PTPN11: variants seen among roughly 807,000 people sequenced by gnomAD.
PTPN11 encodes the protein protein tyrosine phosphatase non-receptor type 11, also known as tyrosine-protein phosphatase non-receptor type 11.
In PTPN11, 6 loss-of-function variants were observed where a neutral mutation model predicts 78.8. The ratio of observed to expected loss-of-function variants is 0.08; its 90% confidence interval spans 0.04 to 0.15. PTPN11 has a LOEUF of 0.15. Among genes scored for constraint, PTPN11 ranks in the 10% least tolerant of loss-of-function variants. PTPN11 has a pLI of 1.00. For missense variants in PTPN11, 386 were observed against 744.8 expected, an observed-to-expected ratio of 0.52 and a Z score of 5.61; for synonymous variants, 221 against 263.5, an observed-to-expected ratio of 0.84 and a Z score of 1.56.
Position 112,504,485 on chromosome 12 carries a change from G to T in PTPN11, c.1713-210G>T, listed in dbSNP as rs2038911505. On this transcript the variant is annotated intron_variant, in intron 14 of 15. Coordinates refer to ENST00000351677, the MANE Select transcript of PTPN11 (RefSeq NM_002834.5). The surrounding 1 kb of genome is among the most constrained non-coding windows in gnomAD (Gnocchi z 4.7). ...TGGGATTACAGGCGTGAGCCACCAT[G>T]CCCAGCGTTATTTCACTTCTGCCTC... Among the ~76,000 whole-genome samples, 1 of 152,170 alleles carries T rather than the reference G, an allele frequency of 6.6e-6. No individual in the cohort carries two copies. Among genetic ancestry groups the T allele is most frequent in the South Asian group, 2.1e-4 (1 of 4,828 alleles).
chr12:112,457,878 A>G lies in PTPN11; in HGVS notation c.756+1815A>G, dbSNP rs11066317. 5.8e-4 allele frequency among the ~76,000 whole-genome samples: 88 copies of G among 152,320 alleles called. No homozygotes were observed. In the East Asian group the frequency reaches 0.017, roughly 29 times the overall value. On this transcript the variant is annotated intron_variant, in intron 6 of 15. Coordinates refer to ENST00000351677, the MANE Select transcript of PTPN11 (RefSeq NM_002834.5). ...AGGATTCTGGCATATTTACCTTTGC[A>G]GTTGTCCCCAGCATGTAGCACGGTG...
intron 4 of PTPN11, among the ~76,000 whole-genome samples, chr12:112,453,645 T>C (rs2038110055): frequency 6.7e-6 from 1 of 150,306 alleles, no homozygotes; most frequent in Non-Finnish European, 1.5e-5. Context: ...TCAGATTTTC[T>C]GTTTTTTTTT....
intron 1 of PTPN11, among the ~76,000 whole-genome samples, chr12:112,432,098 T>C (rs139121229): frequency 8.3e-4 from 126 of 152,086 alleles, no homozygotes; most frequent in East Asian, 7.9e-3. Flanking sequence ...TCTGAAAACA[T>C]GAAAAAGTGC....
chr12:112,422,804 A>G (rs2037544687), intron 1 of PTPN11, among the ~76,000 whole-genome samples: 1 of 152,190 alleles, frequency 6.6e-6, no homozygotes, highest in South Asian at 2.1e-4. Context: ...CCTCGTGTCC[A>G]TGGTCAATGT....
At chr12:112,485,176 T>G (rs1004270304) in intron 10 of PTPN11, among the ~76,000 whole-genome samples, 1 of 151,926 alleles carries the variant, frequency 6.6e-6, no homozygotes, top group African/African-American at 2.4e-5. Context: ...ATTGCTTGAA[T>G]CGGGGAGGCG....
At chr12:112,459,324 T>C (rs1237057144) in intron 6 of PTPN11, among the ~76,000 whole-genome samples, 2 of 152,136 alleles carry the variant, frequency 1.3e-5, no homozygotes, top group Non-Finnish European at 2.9e-5. Flanking sequence ...ATGGGATAGT[T>C]ATAGCAGTAT....
intron 7 of PTPN11, among the ~76,000 whole-genome samples, chr12:112,475,580 C>A (rs1335249838): frequency 6.6e-6 from 1 of 152,090 alleles, no homozygotes. Flanking sequence ...ATCCAACTTA[C>A]AAATAAGGCT....
chr12:112,489,912 C>T (rs2038725043), intron 13 of PTPN11, among the ~76,000 whole-genome samples: 1 of 152,156 alleles, frequency 6.6e-6, no homozygotes, highest in African/African-American at 2.4e-5. Flanking sequence ...AGAATGGGAC[C>T]TGCCACCAGT....
Position 112,509,584 on chromosome 12 carries a change from T to TG in PTPN11, c.*3792_*3793insG, listed in dbSNP as rs2038977378. On this transcript the variant is annotated 3_prime_UTR_variant, in exon 16 of 16. Coordinates refer to ENST00000351677, the MANE Select transcript of PTPN11 (RefSeq NM_002834.5). Reference sequence around the variant, plus strand: ...TGATAAATCTATCCTTTAAAAGGAATACGTTTTAGGATGTCATCATTTTGA... The same window carrying TG: ...TGATAAATCTATCCTTTAAAAGGAATGACGTTTTAGGATGTCATCATTTTGA... 3 of 152,660 alleles carry TG rather than the reference T, an allele frequency of 2.0e-5. No individual in the cohort carries two copies. The highest frequency in any genetic ancestry group is 4.4e-5 in the Non-Finnish European group (3 of 68,036). 9.5% of individuals were successfully genotyped at this position (152,660 alleles called of 1,614,324 possible).
intron 6 of PTPN11, among the ~76,000 whole-genome samples, chr12:112,463,007 G>T (rs1201874665): frequency 6.6e-6 from 1 of 152,050 alleles, no homozygotes; most frequent in Non-Finnish European, 1.5e-5. Context: ...TGGTTAGCAT[G>T]CTTTAACCTT....
At chr12:112,446,462 G>C in intron 2 of PTPN11, 64 bp downstream of exon 2, 1 of 1,607,362 alleles carries the variant, frequency 6.2e-7, no homozygotes, top group Non-Finnish European at 8.5e-7. Context: ...GTAAAACCAT[G>C]CTTGGATAGC....
intron 1 of PTPN11, among the ~76,000 whole-genome samples, chr12:112,436,781 C>T (rs560782550): frequency 6.6e-6 from 1 of 151,292 alleles, no homozygotes; most frequent in African/African-American, 2.4e-5. Flanking sequence ...TTGTCCGCCT[C>T]TGAATGGAGT....
At position 112,482,010 on chromosome 12, in the gene PTPN11, G is replaced by T. The variant is rs914622424; in HGVS notation, c.1093-64G>T. The T allele has an allele frequency of 4.8e-5, 72 of 1,485,646 alleles. No individual in the cohort carries two copies. The East Asian group carries it at 1.5e-3, about 32-fold the overall frequency. 92.0% of individuals were successfully genotyped at this position (1,485,646 alleles called of 1,614,324 possible). On this transcript the variant is annotated intron_variant, in intron 9 of 15. Coordinates refer to ENST00000351677, the MANE Select transcript of PTPN11 (RefSeq NM_002834.5). This position sits in a 1 kb window ranked among gnomAD's most constrained non-coding sequence, Gnocchi z 4.4. The stretch of plus-strand genomic sequence containing the variant: ...AGCAAGACTTGAACATTTGTTTGTT[G>T]CTTGTTTAGGCTTTTATTTCAGAGT...
chr12:112,486,202 C>T (rs866534917), intron 10 of PTPN11, among the ~76,000 whole-genome samples: 1 of 151,984 alleles, frequency 6.6e-6, no homozygotes, highest in Non-Finnish European at 1.5e-5. Flanking sequence ...TGTTACCTGT[C>T]GCTGGTAATT....
chr12:112,456,186 G>A, intron 6 of PTPN11, 123 bp downstream of exon 6: 1 of 727,832 alleles, frequency 1.4e-6, no homozygotes, highest in Non-Finnish European at 2.5e-6. Context: ...TTTTAATTCG[G>A]CCATTGATTG....
At chr12:112,492,619 G>A (rs997353919) in intron 13 of PTPN11, among the ~76,000 whole-genome samples, 5 of 151,580 alleles carry the variant, frequency 3.3e-5, no homozygotes, top group African/African-American at 7.3e-5. Context: ...CCGGGTTGAC[G>A]CCATTCTCCT....
Position 112,483,917 on chromosome 12 carries a change from C to T in PTPN11, c.1224+1712C>T, listed in dbSNP as rs887193282. ...AGGATCAAGGACCTTTTTGTGAACA[C>T]ACAAAGTTTGAGATGCCTTGGACAC... On this transcript the variant is annotated intron_variant, in intron 10 of 15. Transcript: ENST00000351677. Among the ~76,000 whole-genome samples, 3 of 152,188 alleles carry T rather than the reference C, an allele frequency of 2.0e-5. No homozygotes were observed. In the Middle Eastern group the frequency reaches 0.01, roughly 518 times the overall value.
chr12:112,432,594 G>A (rs1450694195), intron 1 of PTPN11, among the ~76,000 whole-genome samples: 3 of 151,012 alleles, frequency 2.0e-5, no homozygotes, highest in South Asian at 4.2e-4. Flanking sequence ...GCTTGAACCC[G>A]GAAGGCGGAG....
chr12:112,448,237 A>G (rs865992721), intron 2 of PTPN11, among the ~76,000 whole-genome samples: 13 of 144,412 alleles, frequency 9.0e-5, no homozygotes, highest in African/African-American at 3.3e-4. Context: ...TTTTGAGACA[A>G]TCTTGCTCTG....
Sources: gnomAD v4.1 joint callset for allele counts (sites outside exome capture counted in the v4.1 genomes callset) on GRCh38, gnomAD v4.1.1 for gene constraint, Gnocchi (gnomAD v3.1) non-coding constraint, MANE v1.5 for transcripts, NCBI Gene and HGNC (gene_info 2026-07-23, HGNC 2026-07-21) for gene names.